The following QRSL1 variants were observed in gnomAD, a reference collection of about 807,000 sequenced individuals.
The protein encoded by QRSL1 is glutamyl-tRNA(Gln) amidotransferase subunit A, mitochondrial.
In QRSL1, 54 loss-of-function variants were observed where a neutral mutation model predicts 61.6. That is an observed-to-expected ratio of 0.88 (90% CI 0.70 to 1.10). The LOEUF is 1.10. Among genes scored for constraint, QRSL1 ranks in the 50% least tolerant of loss-of-function variants. The probability of loss-of-function intolerance (pLI) is 0.00; values close to 1 mark genes in which losing one functional copy is unlikely to be tolerated. For missense variants in QRSL1, 505 were observed against 622.6 expected (o/e 0.81, Z 2.01); for synonymous variants, 228 against 225.7 (o/e 1.01, Z -0.09).
At chr6:106,638,152 ATTTG>A (rs1233422626) in intron 1 of QRSL1, among the ~76,000 whole-genome samples, 2 of 152,052 alleles carry the variant, frequency 1.3e-5, no homozygotes, top group Non-Finnish European at 2.9e-5. Context: ...GCCTACGTAT[ATTTG>A]TCTCTCTAGC....
chr6:106,652,464 C>T lies in QRSL1; in HGVS notation c.734-3C>T, dbSNP rs772505817. The T allele has an allele frequency of 6.2e-7, 1 of 1,613,508 alleles. No homozygotes were observed. Among genetic ancestry groups the T allele is most frequent in the African/African-American group, 1.3e-5 (1 of 75,042 alleles). On this transcript the variant is annotated splice_region_variant and splice_polypyrimidine_tract_variant and intron_variant, in intron 6 of 10. Coordinates refer to ENST00000369046, the MANE Select transcript of QRSL1 (RefSeq NM_018292.5). The stretch of plus-strand genomic sequence containing the variant: ...TGTCATTCATAAGTATTGCTCCTTA[C>T]AGGTGCACTGGCCGGACCTGACCCC...
At chr6:106,660,730 G>A (rs1777342863) in intron 9 of QRSL1, among the ~76,000 whole-genome samples, 2 of 152,026 alleles carry the variant, frequency 1.3e-5, no homozygotes, top group South Asian at 4.1e-4. Context: ...TCTGGAGGCT[G>A]GGTGGGAGGT....
chr6:106,639,969 C>A (rs1776991100), intron 1 of QRSL1: 1 of 161,200 alleles, frequency 6.2e-6, no homozygotes, highest in African/African-American at 2.4e-5. Context: ...CTTTTTTTCT[C>A]TCTGGACTGC....
rs532763002 is a variant in QRSL1, at chr6:106,665,790, G to A, written c.1375G>A (p.Ala459Thr). The change falls in exon 11 of 11, where the codon GCA becomes ACA. Residue 459 changes from alanine (A) to threonine (T), a missense_variant. Physicochemically the swap from Ala to Thr is moderately conservative, Grantham distance 58. Transcript: ENST00000369046. ...TTTCCTTCTTTTCCCAGGATTGCCA[G>A]CAGTGAGTATCCCTGTTGCACTCTC... The part of the protein sequence containing the change: ...TQAVNMAGLP[A>T]VSIPVALSNQ... 6.2e-7 allele frequency: 1 copy of A among 1,613,852 alleles called. No individual in the cohort carries two copies. Among genetic ancestry groups the A allele is most frequent in the African/African-American group, 1.3e-5 (1 of 75,024 alleles).
intron 1 of QRSL1, among the ~76,000 whole-genome samples, chr6:106,638,021 T>C (rs57658061): frequency 0.019 from 2,903 of 152,330 alleles, 79 homozygotes; most frequent in African/African-American, 0.068. Context: ...TTTATCCTTA[T>C]ACCAGTCTGG....
chr6:106,634,689 C>T (rs949967810), intron 1 of QRSL1, among the ~76,000 whole-genome samples: 3 of 151,820 alleles, frequency 2.0e-5, no homozygotes, highest in Admixed American at 2.0e-4. Flanking sequence ...TCACTTGAGC[C>T]TCGGAGGTTG....
At chr6:106,638,422 G>A (rs1162219192) in intron 1 of QRSL1, among the ~76,000 whole-genome samples, 3 of 151,824 alleles carry the variant, frequency 2.0e-5, no homozygotes, top group South Asian at 4.2e-4. Context: ...CTTCTGCCTC[G>A]GTCTCCCGAG....
chr6:106,663,791 C>T (rs542419073), intron 10 of QRSL1, among the ~76,000 whole-genome samples: 1 of 152,152 alleles, frequency 6.6e-6, no homozygotes, highest in African/African-American at 2.4e-5. Context: ...ACAAACACAA[C>T]ACACTTAGTA....
Position 106,665,783 on chromosome 6 carries a change from A to T in QRSL1, c.1368A>T (p.Gly456=). Residue 456 remains glycine (G), a splice_region_variant and synonymous_variant, in exon 11 of 11, where the codon GGA becomes GGT. Transcript: ENST00000369046. ...DIFTQAVNMA[G]LPAVSIPVAL... ...TACTGGGTTTCCTTCTTTTCCCAGGATTGCCAGCAGTGAGTATCCCTGTTG... is the reference window on the plus strand; with the variant it reads ...TACTGGGTTTCCTTCTTTTCCCAGGTTTGCCAGCAGTGAGTATCCCTGTTG... 1 of 1,613,856 alleles carries T rather than the reference A, an allele frequency of 6.2e-7. No homozygotes were observed. Among genetic ancestry groups the T allele is most frequent in the Non-Finnish European group, 8.5e-7 (1 of 1,179,762 alleles).
chr6:106,658,517 G>A (rs1390308364), intron 9 of QRSL1, among the ~76,000 whole-genome samples: 1 of 151,978 alleles, frequency 6.6e-6, no homozygotes. Flanking sequence ...TCGCACCGCT[G>A]CACTTAAGCC....
chr6:106,631,126 T>C (rs1400744268), intron 1 of QRSL1, among the ~76,000 whole-genome samples: 1 of 151,934 alleles, frequency 6.6e-6, no homozygotes, highest in Non-Finnish European at 1.5e-5. Context: ...CTCGGGAGGC[T>C]GAGGCAGGAG....
At chr6:106,654,967 C>G in intron 8 of QRSL1, 45 bp downstream of exon 8, 2 of 1,480,870 alleles carry the variant, frequency 1.4e-6, no homozygotes, top group East Asian at 4.7e-5. Context: ...TTGTCGCAAA[C>G]ATTTGAAAAG....
chr6:106,633,770 C>T (rs1474544373), intron 1 of QRSL1, among the ~76,000 whole-genome samples: 3 of 152,026 alleles, frequency 2.0e-5, no homozygotes, highest in African/African-American at 7.2e-5. Flanking sequence ...TTTAGAAAAA[C>T]TAATCATTGT....
chr6:106,668,066 T>C lies in QRSL1; in HGVS notation c.*2064T>C, dbSNP rs1777469575. The stretch of plus-strand genomic sequence containing the variant: ...CCCTCAGCCTCCCAAAGTGCTGAGA[T>C]TAAAGACGTGAGCCACCACACCTGG... On this transcript the variant is annotated 3_prime_UTR_variant, in exon 11 of 11. Transcript: ENST00000369046. The C allele has an allele frequency of 6.6e-6, 1 of 152,112 alleles. No homozygotes were observed. The allele number at this position is 152,112 out of a possible 1,614,324, so 9.4% of individuals were successfully genotyped here.
At position 106,652,791 on chromosome 6, in the gene QRSL1, G is replaced by A. The variant is rs1015048577; in HGVS notation, c.849+209G>A. ...ATACTGACTTCAGAGAGGTTTGTGA[G>A]GATCAATTAGACAGTCATGTTAAGT... On this transcript the variant is annotated intron_variant, in intron 7 of 10. Transcript: ENST00000369046. The A allele has an allele frequency of 2.0e-6, 3 of 1,464,542 alleles. No homozygotes were observed. The African/African-American group carries it at 4.3e-5, about 21-fold the overall frequency. 90.7% of individuals were successfully genotyped at this position (1,464,542 alleles called of 1,614,324 possible).
chr6:106,658,720 A>G (rs1289881065), intron 9 of QRSL1, among the ~76,000 whole-genome samples: 1 of 151,924 alleles, frequency 6.6e-6, no homozygotes, highest in Non-Finnish European at 1.5e-5. Context: ...TCTTTTTATC[A>G]TTGGTTTTCA....
At chr6:106,636,205 C>T (rs1208923184) in intron 1 of QRSL1, among the ~76,000 whole-genome samples, 1 of 152,022 alleles carries the variant, frequency 6.6e-6, no homozygotes, top group Non-Finnish European at 1.5e-5. Flanking sequence ...AATCTAAACA[C>T]TTCTTGTCCC....
intron 3 of QRSL1, among the ~76,000 whole-genome samples, chr6:106,641,542 A>C (rs559492401): frequency 6.6e-6 from 1 of 152,208 alleles, no homozygotes; most frequent in African/African-American, 2.4e-5. Context: ...GTTTATCAAG[A>C]TATTTGGATC....
intron 4 of QRSL1, among the ~76,000 whole-genome samples, chr6:106,648,241 A>G (rs930109947): frequency 2.6e-5 from 4 of 151,858 alleles, no homozygotes; most frequent in Non-Finnish European, 4.4e-5. Context: ...GGTTGCAGTG[A>G]GCCGAGATCG....
Sources: allele counts gnomAD v4.1 joint callset (sites outside exome capture counted in the v4.1 genomes callset), GRCh38; gene constraint gnomAD v4.1.1; transcripts MANE v1.5; gene names NCBI Gene and HGNC (gene_info 2026-07-23, HGNC 2026-07-21).